The following PDXK variants were observed in gnomAD, a reference collection of about 807,000 sequenced individuals.
PDXK encodes pyridoxal kinase, also known as epididymis secretory sperm binding protein Li 1a.
In PDXK, 15 loss-of-function variants were observed where a neutral mutation model predicts 43.2. The ratio of observed to expected loss-of-function variants is 0.35; its 90% CI spans 0.23 to 0.53. PDXK has a LOEUF of 0.53. Ranked by LOEUF, PDXK falls within the 20% of genes least tolerant of loss-of-function variation. The probability of loss-of-function intolerance (pLI) is 0.92; values close to 1 mark genes in which losing one functional copy is unlikely to be tolerated. For missense variants in PDXK, 343 were observed against 417.0 expected (o/e 0.82, Z 1.54); for synonymous variants, 172 against 165.4 (o/e 1.04, Z -0.31).
chr21:43,728,907 C>T, intron 1 of PDXK: 5 of 985,544 alleles, frequency 5.1e-6, no homozygotes, highest in Non-Finnish European at 6.0e-6. Flanking sequence ...TCTAAGCCAT[C>T]CCACTGGCCT....
chr21:43,753,671 T>G lies in PDXK; in HGVS notation c.711T>G (p.Phe237Leu). 6.2e-7 allele frequency: 1 copy of G among 1,613,776 alleles called. No homozygotes were observed. Among genetic ancestry groups the G allele is most frequent in the Non-Finnish European group, 8.5e-7 (1 of 1,179,822 alleles). ...TCTTTGTGGGCACTGGGGACCTGTT[T>G]GCTGCCATGCTCCTGGCGTGGACAC... ...DAVFVGTGDL[F>L]AAMLLAWTHK... Residue 237 changes from phenylalanine (F) to leucine (L), a missense_variant, in exon 9 of 11, where the codon TTT (phenylalanine) becomes TTG (leucine). Phe to Leu is a conservative substitution (Grantham distance 22, BLOSUM62 0). Transcript: ENST00000291565.
intron 2 of PDXK, among the ~76,000 whole-genome samples, chr21:43,740,167 C>G (rs1035080621): frequency 2.6e-5 from 4 of 152,078 alleles, no homozygotes; most frequent in African/African-American, 9.6e-5. Context: ...AGCGTGGCTC[C>G]TGATGGCAGT....
At position 43,750,855 on chromosome 21, in the gene PDXK, T is replaced by A. The variant is rs549705463; in HGVS notation, c.510+310T>A. On this transcript the variant is annotated intron_variant, in intron 7 of 10. Transcript: ENST00000291565. ...GTGTGCACGTGTGTGTGTGCACATG[T>A]GCATGTGCGTCTGTGTGCATGTGTG... is the stretch of plus-strand genomic sequence containing the variant. 5.3e-5 allele frequency among the ~76,000 whole-genome samples: 8 copies of A among 151,796 alleles called. No individual in the cohort carries two copies. The East Asian group carries it at 1.4e-3, about 26-fold the overall frequency.
intron 4 of PDXK, chr21:43,744,384 C>G (rs531922241): frequency 6.2e-6 from 1 of 161,692 alleles, no homozygotes; most frequent in East Asian, 1.8e-4. Context: ...CAGACAGGCT[C>G]TCTCTGGGGC....
At chr21:43,722,432 G>C (rs905704665) in intron 1 of PDXK, among the ~76,000 whole-genome samples, 1 of 152,216 alleles carries the variant, frequency 6.6e-6, no homozygotes, top group African/African-American at 2.4e-5. Context: ...GTAACCCTAA[G>C]GTACACAGCT....
chr21:43,752,997 GCACTAAGCTAGTGGCCGCGGGTTCATA>G (rs2083780274), intron 8 of PDXK, among the ~76,000 whole-genome samples: 1 of 152,188 alleles, frequency 6.6e-6, no homozygotes, highest in Non-Finnish European at 1.5e-5. Flanking sequence ...CTGGGGCCAT[GCACTAAGCTAGTGGCCGCGGGTTCATA>G]CCCATGGGCC....
At chr21:43,742,264 C>T (rs976423009) in intron 3 of PDXK, among the ~76,000 whole-genome samples, 3 of 152,236 alleles carry the variant, frequency 2.0e-5, no homozygotes, top group Non-Finnish European at 4.4e-5. Context: ...ACTGCAGCCT[C>T]AACCTCCCAG....
intron 9 of PDXK, 89 bp from the exon 10 acceptor site, chr21:43,755,609 G>A: frequency 9.0e-7 from 1 of 1,111,326 alleles, no homozygotes; most frequent in Non-Finnish European, 1.4e-6. Flanking sequence ...GACGGCCCTT[G>A]TGTTCCCTGG....
rs879185514 is a variant in PDXK, at chr21:43,743,825, C to T, written c.331+18C>T. The T allele has an allele frequency of 6.3e-7, 1 of 1,585,430 alleles. No individual in the cohort carries two copies. On this transcript the variant is annotated intron_variant, in intron 4 of 10. Transcript: ENST00000291565. Reference sequence around the variant, plus strand: ...GGTGTACGGTAGGCAGGGGCCCACCCTCGGGTCTGGCTGTGTGGCCCCACA... The same window carrying T: ...GGTGTACGGTAGGCAGGGGCCCACCTTCGGGTCTGGCTGTGTGGCCCCACA...
intron 1 of PDXK, among the ~76,000 whole-genome samples, chr21:43,720,991 C>T (rs1246228243): frequency 6.6e-6 from 1 of 152,218 alleles, no homozygotes; most frequent in African/African-American, 2.4e-5. Context: ...GATTGCTCAC[C>T]TCAGGTGGAG....
chr21:43,730,732 T>C (rs926170859), intron 1 of PDXK, among the ~76,000 whole-genome samples: 2 of 152,090 alleles, frequency 1.3e-5, no homozygotes, highest in African/African-American at 4.8e-5. Flanking sequence ...GGGAGGAGAA[T>C]TGATTGAGCT....
chr21:43,721,051 G>A (rs763484919), intron 1 of PDXK, among the ~76,000 whole-genome samples: 2 of 152,172 alleles, frequency 1.3e-5, no homozygotes, highest in Non-Finnish European at 1.5e-5. Context: ...CCCAGTGCAC[G>A]GCATCCTTAC....
In PDXK at chr21:43,732,295, A is replaced by G; in HGVS notation, c.88-1774A>G. The G allele has an allele frequency of 6.3e-7, 1 of 1,575,956 alleles. No individual in the cohort carries two copies. The highest frequency in any genetic ancestry group is 8.6e-7 in the Non-Finnish European group (1 of 1,161,252). On this transcript the variant is annotated intron_variant, in intron 1 of 10. Transcript: ENST00000291565. The surrounding 1 kb of genome is among the most constrained non-coding windows in gnomAD (Gnocchi z 4.1). ...AGGAGATACCTTTCTCTGGGGTCCC[A>G]GGCTCCCGTCCTGGACCTTGGCACC...
chr21:43,752,375 A>G, intron 7 of PDXK, 143 bp from the exon 8 acceptor site: 1 of 618,168 alleles, frequency 1.6e-6, no homozygotes, highest in South Asian at 1.9e-5. Flanking sequence ...GCCATTGGGA[A>G]CGGGCTCTGG....
chr21:43,721,281 G>A (rs1050125275), intron 1 of PDXK, among the ~76,000 whole-genome samples: 1 of 152,252 alleles, frequency 6.6e-6, no homozygotes, highest in African/African-American at 2.4e-5. Context: ...GTTCCAAGGG[G>A]ACGTGTCCCC....
In PDXK at chr21:43,732,220, A is replaced by G. The variant is rs891601924; in HGVS notation, c.88-1849A>G. 3 of 1,441,770 alleles carry G rather than the reference A, an allele frequency of 2.1e-6. No individual in the cohort carries two copies. In the African/African-American group the frequency reaches 4.3e-5, roughly 21 times the overall value. The allele number at this position is 1,441,770 out of a possible 1,614,324, so 89.3% of individuals were successfully genotyped here. On this transcript the variant is annotated intron_variant, in intron 1 of 10. Coordinates refer to ENST00000291565, the MANE Select transcript of PDXK (RefSeq NM_003681.5). This position sits in a 1 kb window ranked among gnomAD's most constrained non-coding sequence, Gnocchi z 4.1. ...GTACAGAGATGCCAATTCCAGAGGCATGGTCCGGCACAGAGCGCTGGCTTC... is the reference window on the plus strand; with the variant it reads ...GTACAGAGATGCCAATTCCAGAGGCGTGGTCCGGCACAGAGCGCTGGCTTC...
rs1372130799 is a variant in PDXK at position 43,754,074 on chromosome 21, T to G, written c.759+355T>G. Among the ~76,000 whole-genome samples, 1 of 152,194 alleles carries G rather than the reference T, an allele frequency of 6.6e-6. No individual in the cohort carries two copies. Among genetic ancestry groups the G allele is most frequent in the East Asian group, 1.9e-4 (1 of 5,188 alleles). On this transcript the variant is annotated intron_variant, in intron 9 of 10. Transcript: ENST00000291565. This position sits in a 1 kb window ranked among gnomAD's most constrained non-coding sequence, Gnocchi z 5.5. ...TGGAGCTGTTGTGTCCTTGGTGACT[T>G]GGGGGCTGCTGCAGAGGAGTGGCAC...
intron 1 of PDXK, chr21:43,728,702 G>A: frequency 1.3e-5 from 13 of 985,564 alleles, no homozygotes; most frequent in African/African-American, 1.7e-5. Context: ...ACGTGGGCAG[G>A]AGGAGGGCTG....
chr21:43,750,571 C>T (rs757005502), intron 7 of PDXK, 26 bp downstream of exon 7: 7 of 1,592,728 alleles, frequency 4.4e-6, no homozygotes, highest in Middle Eastern at 1.7e-4. Flanking sequence ...GGGGCCTGTG[C>T]GGGGCACATG....
Sources: allele counts gnomAD v4.1 joint callset (sites outside exome capture counted in the v4.1 genomes callset), GRCh38; gene constraint gnomAD v4.1.1; non-coding constraint Gnocchi (gnomAD v3.1); transcripts MANE v1.5; gene names NCBI Gene and HGNC (gene_info 2026-07-23, HGNC 2026-07-21).